The following C4BPA variants were observed in gnomAD, a reference collection of about 807,000 sequenced individuals.
C4BPA encodes complement component 4 binding protein alpha.
A neutral mutation model predicts 63.7 loss-of-function variants in C4BPA; 31 were observed. The ratio of observed to expected loss-of-function variants is 0.49; its 90% CI spans 0.37 to 0.66. The LOEUF is 0.66. C4BPA is among the 30% of genes least tolerant of loss of function. The pLI is 0.00. For synonymous variants in C4BPA, 259 were observed against 254.7 expected (o/e 1.02, Z -0.16); for missense variants, 572 against 723.3 (o/e 0.79, Z 2.40).
At position 207,124,337 on chromosome 1, in the gene C4BPA, T is replaced by C. The variant is rs935418904; in HGVS notation, c.677T>C (p.Val226Ala). 5 of 1,613,182 alleles carry C rather than the reference T, an allele frequency of 3.1e-6. No homozygotes were observed. In the African/African-American group the frequency reaches 6.7e-5, roughly 22 times the overall value. Residue 226 changes from valine (V) to alanine (A), a missense_variant, in exon 6 of 12, where the codon GTT becomes GCT. This residue lies in a region of C4BPA where 465 missense variants were observed against 629.4 expected (regional missense o/e 0.74). Coordinates refer to ENST00000367070, the MANE Select transcript of C4BPA (RefSeq NM_000715.4). Reference protein sequence around the residue: ...SCTVENETIGVWRPSPPTCEK... With the variant: ...SCTVENETIGAWRPSPPTCEK... The stretch of plus-strand genomic sequence containing the variant: ...ACTGTGGAGAATGAAACAATAGGTG[T>C]TTGGAGACCAAGCCCTCCTACCTGT...
At chr1:207,116,864 A>T (rs931488137) in intron 4 of C4BPA, among the ~76,000 whole-genome samples, 1 of 152,130 alleles carries the variant, frequency 6.6e-6, no homozygotes, top group Non-Finnish European at 1.5e-5. Flanking sequence ...CCACTTATTT[A>T]AAAGTTTGCC....
chr1:207,125,795 C>T (rs1279683064), intron 6 of C4BPA, among the ~76,000 whole-genome samples: 4 of 152,294 alleles, frequency 2.6e-5, no homozygotes, highest in Non-Finnish European at 1.5e-5. Context: ...CAGACTAAGA[C>T]AGCACCTGTG....
At chr1:207,129,264 G>A (rs992903170) in intron 7 of C4BPA, among the ~76,000 whole-genome samples, 1 of 151,816 alleles carries the variant, frequency 6.6e-6, no homozygotes, top group African/African-American at 2.4e-5. Flanking sequence ...TGAAAAGAAT[G>A]AGGAAAAATA....
intron 7 of C4BPA, among the ~76,000 whole-genome samples, chr1:207,129,057 T>C (rs781274794): frequency 6.6e-6 from 1 of 152,142 alleles, no homozygotes; most frequent in African/African-American, 2.4e-5. Flanking sequence ...TAAGTAAATG[T>C]ATTATGACAG....
chr1:207,117,561 C>T (rs1370682225), intron 4 of C4BPA, among the ~76,000 whole-genome samples: 2 of 152,320 alleles, frequency 1.3e-5, no homozygotes, highest in South Asian at 2.1e-4. Flanking sequence ...CCTCTACCCT[C>T]TTAGGGTCTC....
Position 207,115,307 on chromosome 1 carries a change from C to G in C4BPA, c.329-109C>G, listed in dbSNP as rs960968507. The G allele has an allele frequency of 1.6e-5, 10 of 613,362 alleles. No homozygotes were observed. In the African/African-American group the frequency reaches 2.0e-4, roughly 12 times the overall value. The allele number at this position is 613,362 out of a possible 1,614,324, so 38.0% of individuals were successfully genotyped here. On this transcript the variant is annotated intron_variant, in intron 3 of 11. Transcript: ENST00000367070. ...TAGAAATAAGTTTGAATCTAAATCT[C>G]TCTGTGTTTCTGGAAGCAGAGGTGA...
At chr1:207,113,887 T>C (rs1419990851) in intron 2 of C4BPA, among the ~76,000 whole-genome samples, 1 of 152,192 alleles carries the variant, frequency 6.6e-6, no homozygotes, top group Non-Finnish European at 1.5e-5. Context: ...TTGTTTATTG[T>C]TATCATTGTC....
chr1:207,143,166 T>C (rs1685457663), intron 10 of C4BPA, among the ~76,000 whole-genome samples: 1 of 152,130 alleles, frequency 6.6e-6, no homozygotes, highest in East Asian at 1.9e-4. Context: ...TAAAAAAGAA[T>C]GAGTTCATGT....
At chr1:207,125,841 G>A (rs891872521) in intron 6 of C4BPA, among the ~76,000 whole-genome samples, 8 of 152,180 alleles carry the variant, frequency 5.3e-5, no homozygotes, top group African/African-American at 1.7e-4. Flanking sequence ...TGGCTTCAGC[G>A]GTAGCATGGC....
At chr1:207,142,297 A>C (rs1186373531) in intron 10 of C4BPA, among the ~76,000 whole-genome samples, 1 of 152,218 alleles carries the variant, frequency 6.6e-6, no homozygotes, top group Non-Finnish European at 1.5e-5. Flanking sequence ...TATGTGCCAC[A>C]GTTTCTTAAT....
rs766772867 is a variant in C4BPA, at chr1:207,113,083, T to C, written c.58T>C (p.Trp20Arg). Residue 20 changes from tryptophan to arginine, a missense_variant, in exon 2 of 12, where the codon TGG becomes CGG. Coordinates refer to ENST00000367070, the MANE Select transcript of C4BPA (RefSeq NM_000715.4). ...TCATAGAAAAAGGAAAATGGCAGCCTGGCCCTTCTCCAGGCTGTGGAAAGT... is the reference window on the plus strand; with the variant it reads ...TCATAGAAAAAGGAAAATGGCAGCCCGGCCCTTCTCCAGGCTGTGGAAAGT... ...ALHRKRKMAAWPFSRLWKVSD... is the reference protein window; with the variant it reads ...ALHRKRKMAARPFSRLWKVSD... 6 of 1,610,690 alleles carry C rather than the reference T, an allele frequency of 3.7e-6. No homozygotes were observed. The African/African-American group carries it at 6.7e-5, about 18-fold the overall frequency.
At chr1:207,140,542 C>T (rs1471266442) in intron 9 of C4BPA, among the ~76,000 whole-genome samples, 5 of 151,522 alleles carry the variant, frequency 3.3e-5, no homozygotes, top group Non-Finnish European at 2.9e-5. Context: ...TGTTTGTGGA[C>T]CTGATAGTGT....
At chr1:207,117,086 GTATGTATTTA>G (rs973007110) in intron 4 of C4BPA, among the ~76,000 whole-genome samples, 1 of 152,098 alleles carries the variant, frequency 6.6e-6, no homozygotes, top group Non-Finnish European at 1.5e-5. Flanking sequence ...TTTCCTGACA[GTATGTATTTA>G]TTTTTCTATA....
chr1:207,140,450 C>A (rs1201204134), intron 9 of C4BPA, among the ~76,000 whole-genome samples: 1 of 151,954 alleles, frequency 6.6e-6, no homozygotes, highest in African/African-American at 2.4e-5. Flanking sequence ...GTACTTATAA[C>A]TGCCATAGTC....
rs1376949284 is a variant in C4BPA at position 207,144,634 on chromosome 1, G to A, written c.1711G>A (p.Val571Ile). The A allele has an allele frequency of 2.5e-6, 4 of 1,613,470 alleles. No homozygotes were observed. The highest frequency in any genetic ancestry group is 3.4e-6 in the Non-Finnish European group (4 of 1,179,724). The change falls in exon 12 of 12, where the codon GTA becomes ATA. Residue 571 changes from valine to isoleucine, a missense_variant. Val to Ile is a conservative substitution (Grantham distance 29). This residue lies in a region of C4BPA where 465 missense variants were observed against 629.4 expected (regional missense o/e 0.74). Coordinates refer to ENST00000367070, the MANE Select transcript of C4BPA (RefSeq NM_000715.4). The part of the protein sequence containing the change: ...NPEDVKMALE[V>I]YKLSLEIEQL... ...AGAGGATGTGAAAATGGCCCTGGAG[G>A]TATATAAGCTGTCTCTGGAAATTGA...
At chr1:207,141,364 C>T in intron 10 of C4BPA, 88 bp downstream of exon 10, 1 of 995,830 alleles carries the variant, frequency 1.0e-6, no homozygotes, top group South Asian at 1.8e-5. Context: ...CTGTCAGAGG[C>T]AGCATGAAAA....
intron 4 of C4BPA, among the ~76,000 whole-genome samples, chr1:207,117,992 A>G (rs552896129): frequency 5.3e-5 from 8 of 152,220 alleles, no homozygotes; most frequent in African/African-American, 1.9e-4. Flanking sequence ...TGTGTGTTTC[A>G]GCTTTCCTCA....
intron 4 of C4BPA, among the ~76,000 whole-genome samples, chr1:207,120,981 A>C (rs891818222): frequency 6.6e-6 from 1 of 152,160 alleles, no homozygotes; most frequent in Non-Finnish European, 1.5e-5. Context: ...GCTAAAGTTC[A>C]AACTTTTGTA....
At chr1:207,113,765 G>C (rs992622469) in intron 2 of C4BPA, among the ~76,000 whole-genome samples, 2 of 152,152 alleles carry the variant, frequency 1.3e-5, no homozygotes, top group African/African-American at 4.8e-5. Context: ...AGATGCATTT[G>C]AGTCAGCAGA....
Sources: gnomAD v4.1 joint callset for allele counts (sites outside exome capture counted in the v4.1 genomes callset) on GRCh38, gnomAD v4.1.1 for gene constraint, gnomAD v4.1.1 regional missense constraint, MANE v1.5 for transcripts, NCBI Gene and HGNC (gene_info 2026-07-23, HGNC 2026-07-21) for gene names.